Variants in TRPC7 observed in about 807,000 individuals in gnomAD.
TRPC7 encodes the protein short transient receptor potential channel 7.
A neutral mutation model predicts 90.1 loss-of-function variants in TRPC7; 42 were observed. The ratio of observed to expected loss-of-function variants is 0.47; its 90% CI spans 0.36 to 0.60. TRPC7 has a LOEUF of 0.60. Ranked by LOEUF, TRPC7 falls within the 20% of genes least tolerant of loss-of-function variation. The pLI, the probability that TRPC7 is intolerant of heterozygous loss-of-function variation, is 0.00. For synonymous variants in TRPC7, 451 were observed against 436.3 expected, an observed-to-expected ratio of 1.03 and a Z score of -0.42; for missense variants, 955 against 1,112.3, an observed-to-expected ratio of 0.86 and a Z score of 2.01.
chr5:136,252,070 G>C (rs1200024472), intron 5 of TRPC7, among the ~76,000 whole-genome samples, 188 bp from the exon 6 acceptor site: 1 of 152,192 alleles, frequency 6.6e-6, no homozygotes, highest in Admixed American at 6.5e-5. Flanking sequence ...TCAGAGACTT[G>C]GCCTTGTGCT....
chr5:136,310,818 C>A lies in TRPC7; in HGVS notation c.963+4779G>T, dbSNP rs1030748767. ...CATTTCACTCACTAGACTGGTAACT[C>A]TTTGAAGGTATGACTGTGTTTTATT... On this transcript the variant is annotated intron_variant, in intron 3 of 11. Transcript: ENST00000513104. Among the ~76,000 whole-genome samples the A allele has an allele frequency of 2.6e-5, 4 of 152,034 alleles. No individual in the cohort carries two copies. The South Asian group carries it at 8.3e-4, about 32-fold the overall frequency.
chr5:136,342,626 A>G (rs1213521848), intron 2 of TRPC7, among the ~76,000 whole-genome samples: 1 of 152,192 alleles, frequency 6.6e-6, no homozygotes, highest in Non-Finnish European at 1.5e-5. Flanking sequence ...AAGTTGCTCT[A>G]TGGTGGAAAC....
At chr5:136,310,105 G>A (rs1561713520) in intron 3 of TRPC7, among the ~76,000 whole-genome samples, 1 of 152,068 alleles carries the variant, frequency 6.6e-6, no homozygotes, top group Non-Finnish European at 1.5e-5. Flanking sequence ...GTCCTCCCAA[G>A]GCCCAGCTTG....
intron 4 of TRPC7, among the ~76,000 whole-genome samples, chr5:136,266,729 A>G (rs1175587931): frequency 1.3e-5 from 2 of 152,190 alleles, no homozygotes; most frequent in African/African-American, 2.4e-5. Context: ...GATACCTCCA[A>G]CTGCATGGAT....
intron 3 of TRPC7, among the ~76,000 whole-genome samples, chr5:136,313,389 A>G (rs1758903642): frequency 6.9e-6 from 1 of 144,132 alleles, no homozygotes; most frequent in African/African-American, 2.7e-5. Context: ...CTATCTATCT[A>G]TCTATCTATC....
At chr5:136,328,233 G>T (rs1460070540) in intron 2 of TRPC7, among the ~76,000 whole-genome samples, 1 of 152,180 alleles carries the variant, frequency 6.6e-6, no homozygotes, top group Non-Finnish European at 1.5e-5. Flanking sequence ...GGTCCTCAGA[G>T]TCCAGGGTTC....
At chr5:136,337,312 T>C (rs1483474974) in intron 2 of TRPC7, among the ~76,000 whole-genome samples, 2 of 152,338 alleles carry the variant, frequency 1.3e-5, no homozygotes, top group East Asian at 3.9e-4. Flanking sequence ...TTTTTTAGCT[T>C]AATTAAAATA....
At chr5:136,339,879 G>C (rs1325536934) in intron 2 of TRPC7, among the ~76,000 whole-genome samples, 3 of 148,150 alleles carry the variant, frequency 2.0e-5, no homozygotes, top group African/African-American at 7.8e-5. Flanking sequence ...ACAACAAAGT[G>C]AGAGGATGTC....
At chr5:136,324,413 T>C (rs1263914044) in intron 2 of TRPC7, among the ~76,000 whole-genome samples, 2 of 152,216 alleles carry the variant, frequency 1.3e-5, no homozygotes, top group East Asian at 3.8e-4. Context: ...CTCAGAGCTT[T>C]TTATGTAGTC....
At chr5:136,251,533 C>T in intron 6 of TRPC7, 116 bp downstream of exon 6, 1 of 861,418 alleles carries the variant, frequency 1.2e-6, no homozygotes, top group Non-Finnish European at 1.8e-6. Flanking sequence ...GGCTGTGTTA[C>T]AAATCATGGG....
intron 10 of TRPC7, among the ~76,000 whole-genome samples, chr5:136,221,003 A>G (rs1334377540): frequency 6.7e-6 from 1 of 150,036 alleles, no homozygotes; most frequent in Non-Finnish European, 1.5e-5. Flanking sequence ...TATTCTAGAA[A>G]TAGATATAGA....
intron 3 of TRPC7, among the ~76,000 whole-genome samples, chr5:136,293,907 T>C (rs1758059232): frequency 6.6e-6 from 1 of 152,112 alleles, no homozygotes; most frequent in Admixed American, 6.6e-5. Context: ...AAGCCTACAG[T>C]AACCAAAACA....
Position 136,353,961 on chromosome 5 carries a change from AT to A in TRPC7, c.780+2646del, listed in dbSNP as rs56866998. On this transcript the variant is annotated intron_variant, in intron 2 of 11. Transcript: ENST00000513104. ...CCAGATTTGAGTTTTACTAAAAAAA[AT>A]GTCTCAGATGTAATTCCAAATGTTA... Among the ~76,000 whole-genome samples, 1,354 of 152,328 alleles carry A rather than the reference AT, an allele frequency of 8.9e-3. 13 individuals are homozygous for A. Among genetic ancestry groups the A allele is most frequent in the African/African-American group, 0.03 (1,256 of 41,568 alleles).
rs776398236 is a variant in TRPC7, at chr5:136,357,170, C to T, written c.218G>A (p.Cys73Tyr). 2 of 1,614,024 alleles carry T rather than the reference C, an allele frequency of 1.2e-6. No homozygotes were observed. Among genetic ancestry groups the T allele is most frequent in the South Asian group, 2.2e-5 (2 of 91,072 alleles). ...AGCGTTCTGCCCCATGTAGTCCACACAGTTGAAGTTAAGGGTCTTGGACTC... is the reference window on the plus strand; with the variant it reads ...AGCGTTCTGCCCCATGTAGTCCACATAGTTGAAGTTAAGGGTCTTGGACTC... ...LEESKTLNFN[C>Y]VDYMGQNALQ... The change falls in exon 2 of 12, where the codon TGT becomes TAT. Residue 73 changes from cysteine (C) to tyrosine (Y), a missense_variant. Cys to Tyr is a radical substitution (Grantham distance 194). Transcript: ENST00000513104.
At position 136,252,719 on chromosome 5, in the gene TRPC7, C is replaced by CA. The variant is rs1756562694; in HGVS notation, c.1346-838dup. Among the ~76,000 whole-genome samples, 3 of 152,298 alleles carry CA rather than the reference C, an allele frequency of 2.0e-5. No individual in the cohort carries two copies. In the South Asian group the frequency reaches 6.2e-4, roughly 32 times the overall value. On this transcript the variant is annotated intron_variant, in intron 5 of 11. Transcript: ENST00000513104. ...TCATAGGATGGCAACCTAGATCCCTCACATGCATAATTTACAATAGGGTTT... is the reference window on the plus strand; with the variant it reads ...TCATAGGATGGCAACCTAGATCCCTCAACATGCATAATTTACAATAGGGTTT...
chr5:136,355,603 C>T (rs1760341479), intron 2 of TRPC7, among the ~76,000 whole-genome samples: 1 of 134,940 alleles, frequency 7.4e-6, no homozygotes, highest in African/African-American at 2.5e-5. Flanking sequence ...TCAAGACCAT[C>T]CTGGCTAACA....
chr5:136,293,938 C>T (rs941922858), intron 3 of TRPC7, among the ~76,000 whole-genome samples: 1 of 152,176 alleles, frequency 6.6e-6, no homozygotes, highest in South Asian at 2.1e-4. Flanking sequence ...AGTACCAAAA[C>T]AGAGATATAG....
chr5:136,287,631 T>A (rs1478899777), intron 3 of TRPC7, among the ~76,000 whole-genome samples: 1 of 139,124 alleles, frequency 7.2e-6, no homozygotes, highest in Non-Finnish European at 1.5e-5. Context: ...AATTCTCTTT[T>A]GTTTTTCTGT....
intron 3 of TRPC7, among the ~76,000 whole-genome samples, chr5:136,282,611 T>C (rs1445397346): frequency 6.6e-6 from 1 of 152,244 alleles, no homozygotes; most frequent in Non-Finnish European, 1.5e-5. Context: ...GGGTCACTAA[T>C]TTTAAATTTT....
Sources: gnomAD v4.1 joint callset for allele counts (sites outside exome capture counted in the v4.1 genomes callset) on GRCh38, gnomAD v4.1.1 for gene constraint, MANE v1.5 for transcripts, NCBI Gene and HGNC (gene_info 2026-07-23, HGNC 2026-07-21) for gene names.